ABCA13: variants seen among roughly 807,000 people sequenced by gnomAD.
The protein encoded by ABCA13 is ATP binding cassette subfamily A member 13, also known as ATP-binding cassette sub-family A member 13.
In ABCA13, 476 loss-of-function variants were observed where a neutral mutation model predicts 478.7. The observed-to-expected ratio is 0.99, with a 90% CI of 0.92 to 1.07. The LOEUF (loss-of-function observed/expected upper bound fraction) is 1.07, where lower values mean the gene tolerates loss of function less well. Ranked by LOEUF, ABCA13 falls within the 50% of genes least tolerant of loss-of-function variation. The pLI is 0.00. For synonymous variants in ABCA13, 2,252 were observed against 2,158.9 expected, an observed-to-expected ratio of 1.04 and a Z score of -1.20; for missense variants, 6,060 against 5,910.6, an observed-to-expected ratio of 1.03 and a Z score of -0.83.
At chr7:48,420,038 C>T (rs1219629912) in intron 41 of ABCA13, among the ~76,000 whole-genome samples, 1 of 152,130 alleles carries the variant, frequency 6.6e-6, no homozygotes, top group African/African-American at 2.4e-5. Context: ...ACTTGGCGAG[C>T]ATTGACTTTC....
In ABCA13 at chr7:48,508,025, G is replaced by A; in HGVS notation, c.13500G>A (p.Trp4500Ter). The change falls in exon 50 of 62, where the codon TGG becomes TGA. Residue 4500 changes from tryptophan (W) to a stop codon, truncating the protein, a stop_gained. Coordinates refer to ENST00000435803, the MANE Select transcript of ABCA13 (RefSeq NM_152701.5). LOFTEE classifies it high-confidence loss of function. Reference protein sequence around the residue: ...HISGLGYRMYWFTNFLYDMLF... With the variant: ...HISGLGYRMY ...GTGGCCTTGGCTACAGGATGTACTGGTTCACAAACTTCCTATATGACATGG... is the reference window on the plus strand; with the variant it reads ...GTGGCCTTGGCTACAGGATGTACTGATTCACAAACTTCCTATATGACATGG... The A allele has an allele frequency of 6.2e-7, 1 of 1,613,848 alleles. No individual in the cohort carries two copies.
chr7:48,521,943 A>T (rs1832571353), intron 53 of ABCA13, among the ~76,000 whole-genome samples: 1 of 137,602 alleles, frequency 7.3e-6, no homozygotes. Context: ...GCCACTAATC[A>T]TTGTTTGAAA....
intron 20 of ABCA13, among the ~76,000 whole-genome samples, chr7:48,288,800 T>G (rs1275580392): frequency 6.6e-6 from 1 of 152,164 alleles, no homozygotes; most frequent in African/African-American, 2.4e-5. Flanking sequence ...TAGGCTCCCA[T>G]GCAGGGTCTC....
rs1401940414 is a variant in ABCA13, at chr7:48,524,274, T to C, written c.14078T>C (p.Val4693Ala). ...GGTCATTCTACTCTCCAAGGCACAGTCAAATCTTCTAAGGATACAGATGTT... is the reference window on the plus strand; with the variant it reads ...GGTCATTCTACTCTCCAAGGCACAGCCAAATCTTCTAAGGATACAGATGTT... ...PRGHSTLQGT[V>A]KSSKDTDVEK... Residue 4693 changes from valine (V) to alanine (A), a missense_variant, in exon 54 of 62, where the codon GTC becomes GCC. Physicochemically the swap from Val to Ala is moderately conservative, Grantham distance 64. Coordinates refer to ENST00000435803, the MANE Select transcript of ABCA13 (RefSeq NM_152701.5). The C allele has an allele frequency of 6.2e-7, 1 of 1,612,278 alleles. No individual in the cohort carries two copies. Among genetic ancestry groups the C allele is most frequent in the Non-Finnish European group, 8.5e-7 (1 of 1,179,198 alleles).
Position 48,212,831 on chromosome 7 carries a change from C to T in ABCA13, c.288-6523C>T, listed in dbSNP as rs151076926. Among the ~76,000 whole-genome samples the T allele has an allele frequency of 8.9e-4, 136 of 152,058 alleles. No individual in the cohort carries two copies. In the East Asian group the frequency reaches 0.026, roughly 29 times the overall value. On this transcript the variant is annotated intron_variant, in intron 3 of 61. Transcript: ENST00000435803. ...TTTTTTACATATACTGGTCACAAGT[C>T]TTTAATCATATGTATACATATTATA...
At chr7:48,340,757 A>G (rs1807031983) in intron 29 of ABCA13, among the ~76,000 whole-genome samples, 4 of 152,202 alleles carry the variant, frequency 2.6e-5, no homozygotes, top group Admixed American at 2.0e-4. Flanking sequence ...AGCCAACACT[A>G]CTTTTGAATA....
chr7:48,440,665 C>A (rs182943812), intron 42 of ABCA13, among the ~76,000 whole-genome samples: 2 of 151,560 alleles, frequency 1.3e-5, no homozygotes, highest in South Asian at 2.1e-4. Context: ...ATTTTGTTAT[C>A]GTGAGAAGTT....
intron 25 of ABCA13, among the ~76,000 whole-genome samples, chr7:48,313,969 A>ATG (rs993823347): frequency 7.3e-5 from 11 of 149,772 alleles, no homozygotes; most frequent in African/African-American, 2.7e-4. Flanking sequence ...GTAAGGACTT[A>ATG]TGTGTGTGTG....
Position 48,245,408 on chromosome 7 carries a change from A to T in ABCA13, c.1391-104A>T, listed in dbSNP as rs190558351. 396 of 866,918 alleles carry T rather than the reference A, an allele frequency of 4.6e-4. 2 individuals carry two copies. In the African/African-American group the frequency reaches 5.8e-3, roughly 13 times the overall value. 53.7% of individuals were successfully genotyped at this position (866,918 alleles called of 1,614,324 possible). ...ATGTATAATAATAGGTCAAGTTTTT[A>T]AAAAATCCATGTTTTCAGGATCCAG... On this transcript the variant is annotated intron_variant, in intron 11 of 61. Coordinates refer to ENST00000435803, the MANE Select transcript of ABCA13 (RefSeq NM_152701.5).
At chr7:48,633,112 A>G (rs967261261) in intron 59 of ABCA13, among the ~76,000 whole-genome samples, 4 of 152,222 alleles carry the variant, frequency 2.6e-5, no homozygotes, top group African/African-American at 7.2e-5. Flanking sequence ...TATGCTTTAA[A>G]TGACACTATC....
chr7:48,220,939 TA>T (rs1562807224), intron 4 of ABCA13, among the ~76,000 whole-genome samples: 1 of 152,152 alleles, frequency 6.6e-6, no homozygotes, highest in African/African-American at 2.4e-5. Context: ...TTTTTCTTTT[TA>T]AAAAAATTTT....
intron 1 of ABCA13, among the ~76,000 whole-genome samples, chr7:48,186,858 A>G (rs1796413928): frequency 6.6e-6 from 1 of 151,840 alleles, no homozygotes; most frequent in African/African-American, 2.4e-5. Context: ...AGCAGAAGTG[A>G]TATTCCTTCA....
chr7:48,289,113 C>T (rs769769787), intron 20 of ABCA13, among the ~76,000 whole-genome samples: 1 of 152,226 alleles, frequency 6.6e-6, no homozygotes, highest in South Asian at 2.1e-4. Context: ...GCAAGGGTGT[C>T]GAATGCCATG....
chr7:48,572,156 G>A (rs951359470), intron 55 of ABCA13, among the ~76,000 whole-genome samples: 1 of 152,128 alleles, frequency 6.6e-6, no homozygotes, highest in South Asian at 2.1e-4. Context: ...TTCCAGCCTG[G>A]GTGATGGAGT....
intron 55 of ABCA13, among the ~76,000 whole-genome samples, chr7:48,571,441 CATTTCTTCTTT>C (rs1335023728): frequency 6.6e-6 from 1 of 151,582 alleles, no homozygotes; most frequent in African/African-American, 2.4e-5. Context: ...AAAAGATAGT[CATTTCTTCTTT>C]ATTTCTTCTT....
chr7:48,245,695 T>C, intron 12 of ABCA13, 83 bp downstream of exon 12: 14 of 1,492,536 alleles, frequency 9.4e-6, no homozygotes, highest in Non-Finnish European at 1.3e-5. Flanking sequence ...TTGCTCCTTT[T>C]GTGAATTGTG....
intron 57 of ABCA13, among the ~76,000 whole-genome samples, chr7:48,590,308 AGAGAGAGAGACAAGGAAACAGG>A (rs1057426672): frequency 1.3e-5 from 2 of 152,010 alleles, no homozygotes; most frequent in African/African-American, 2.4e-5. Context: ...GAGAGAGGAG[AGAGAGAGAGACAAGGAAACAGG>A]GAGAGAGAGA....
intron 30 of ABCA13, 55 bp downstream of exon 30, chr7:48,350,874 C>A: frequency 1.3e-6 from 2 of 1,548,290 alleles, no homozygotes; most frequent in South Asian, 1.2e-5. Context: ...TGTAAGTTGT[C>A]ATTTTGGGAG....
intron 7 of ABCA13, among the ~76,000 whole-genome samples, chr7:48,231,100 C>T (rs1356682638): frequency 1.3e-5 from 2 of 151,456 alleles, no homozygotes. Context: ...TGCAGCAAAT[C>T]ACCATGGAAC....
Sources: gnomAD v4.1 joint callset for allele counts (sites outside exome capture counted in the v4.1 genomes callset) on GRCh38, gnomAD v4.1.1 for gene constraint, MANE v1.5 for transcripts, NCBI Gene and HGNC (gene_info 2026-07-23, HGNC 2026-07-21) for gene names.